GSE1: variants seen among roughly 807,000 people sequenced by gnomAD.
GSE1 encodes Gse1 coiled-coil protein, also known as genetic suppressor element 1.
In GSE1, 32 loss-of-function variants were observed where a neutral mutation model predicts 112.6. The ratio of observed to expected loss-of-function variants is 0.28; its 90% confidence interval spans 0.21 to 0.38. The LOEUF (loss-of-function observed/expected upper bound fraction) is 0.38. Ranked by LOEUF, GSE1 falls within the 10% of genes least tolerant of loss-of-function variation. The pLI, the probability that GSE1 is intolerant of heterozygous loss-of-function variation, is 1.00. For missense variants in GSE1, 2,348 were observed against 1,699.2 expected (o/e 1.38, Z -6.71); for synonymous variants, 1,115 against 735.6 (o/e 1.52, Z -8.35).
intron 1 of GSE1, among the ~76,000 whole-genome samples, chr16:85,344,014 A>G (rs2046679657): frequency 6.6e-6 from 1 of 152,168 alleles, no homozygotes; most frequent in South Asian, 2.1e-4. Flanking sequence ...CCCCAGGAAC[A>G]TGGCTCCTTA....
At chr16:85,390,852 G>T (rs1236593144) in intron 2 of GSE1, among the ~76,000 whole-genome samples, 3 of 152,198 alleles carry the variant, frequency 2.0e-5, no homozygotes, top group African/African-American at 7.2e-5. Flanking sequence ...GACTGCGAAT[G>T]TTATGACATT....
upstream of GSE1, chr16:85,555,002 G>C: frequency 1.0e-6 from 1 of 985,404 alleles, no homozygotes; most frequent in Non-Finnish European, 1.2e-6. Flanking sequence ...TGGATCTGCC[G>C]CCCGGCTCGG....
chr16:85,183,489 C>A (rs1031485491), intron 1 of GSE1, among the ~76,000 whole-genome samples: 1 of 152,166 alleles, frequency 6.6e-6, no homozygotes, highest in African/African-American at 2.4e-5. Context: ...CACCCAGACT[C>A]CTCCCTGCTC....
intron 2 of GSE1, among the ~76,000 whole-genome samples, chr16:85,388,644 G>GTGGA (rs113197005): frequency 0.01 from 1,532 of 149,048 alleles, 24 homozygotes; most frequent in African/African-American, 0.029. Flanking sequence ...AGGTGTGTGG[G>GTGGA]TGGATGGATG....
At chr16:85,553,218 G>C (rs544372238), upstream of GSE1, among the ~76,000 whole-genome samples, 76 of 149,726 alleles carry the variant, frequency 5.1e-4, no homozygotes, top group African/African-American at 1.7e-3. Context: ...GGCTGGAGCG[G>C]AGGCCCGGCG....
chr16:85,224,935 C>T (rs1213562952), intron 1 of GSE1, among the ~76,000 whole-genome samples: 1 of 152,030 alleles, frequency 6.6e-6, no homozygotes, highest in African/African-American at 2.4e-5. Flanking sequence ...TGAGACCAGC[C>T]TGGCCAATAT....
chr16:85,436,836 C>T (rs1215248223), intron 2 of GSE1, among the ~76,000 whole-genome samples: 1 of 152,192 alleles, frequency 6.6e-6, no homozygotes, highest in Admixed American at 6.5e-5. Context: ...GCCCGCAGGC[C>T]AGAGTGTGGG....
In GSE1 at chr16:85,673,169, A is replaced by T. The variant is rs1598741457; in HGVS notation, c.*630A>T. On this transcript the variant is annotated 3_prime_UTR_variant, in exon 16 of 16. Transcript: ENST00000253458. ...TTACCTAAAGATAAAACCAATTCAC[A>T]AACTGAAGGTAGCTTTTTATTACTC... is the stretch of plus-strand genomic sequence containing the variant. 6.6e-6 allele frequency: 1 copy of T among 152,580 alleles called. No homozygotes were observed. Among genetic ancestry groups the T allele is most frequent in the Admixed American group, 6.5e-5 (1 of 15,282 alleles). The allele number at this position is 152,580 out of a possible 1,614,324, so 9.5% of individuals were successfully genotyped here.
At chr16:85,566,738 G>T (rs144953245) in intron 1 of GSE1, among the ~76,000 whole-genome samples, 1 of 152,256 alleles carries the variant, frequency 6.6e-6, no homozygotes, top group Admixed American at 6.5e-5. Flanking sequence ...AGACCTCCTC[G>T]CTGGTCCTAA....
chr16:85,210,311 A>G (rs2075202569), intron 1 of GSE1, among the ~76,000 whole-genome samples: 1 of 152,206 alleles, frequency 6.6e-6, no homozygotes, highest in African/African-American at 2.4e-5. Context: ...ACAAAATCCA[A>G]ATGTCCACAG....
At chr16:85,487,863 A>G (rs2050891762) in intron 2 of GSE1, among the ~76,000 whole-genome samples, 1 of 152,174 alleles carries the variant, frequency 6.6e-6, no homozygotes, top group Admixed American at 6.5e-5. Flanking sequence ...GTGGTCCCTC[A>G]AGGCCGTGGC....
intron 1 of GSE1, among the ~76,000 whole-genome samples, chr16:85,305,075 C>T (rs1224738558): frequency 6.6e-6 from 1 of 152,332 alleles, no homozygotes; most frequent in East Asian, 1.9e-4. Context: ...CCCTAGGGCA[C>T]ATGCCATCCT....
intron 2 of GSE1, among the ~76,000 whole-genome samples, chr16:85,416,559 G>A (rs1283288833): frequency 3.3e-5 from 5 of 152,238 alleles, no homozygotes; most frequent in African/African-American, 1.2e-4. Context: ...GGGAGCCCGG[G>A]TTGAGGGTGG....
chr16:85,578,661 G>A (rs527369624), intron 1 of GSE1, among the ~76,000 whole-genome samples: 2 of 152,286 alleles, frequency 1.3e-5, no homozygotes. Context: ...AGTGTCCCCC[G>A]AATCAGGCAG....
chr16:85,231,438 G>C (rs1298832224), intron 1 of GSE1, among the ~76,000 whole-genome samples: 2 of 151,122 alleles, frequency 1.3e-5, no homozygotes, highest in Non-Finnish European at 3.0e-5. Context: ...ATGGACAGAT[G>C]AATGGATGGA....
At position 85,246,325 on chromosome 16, in the gene GSE1, ACACACACC is replaced by A. The variant is rs1259973564; in HGVS notation, c.2283+74520_2283+74527del. On this transcript the variant is annotated intron_variant, in intron 1 of 2. Coordinates refer to the GSE1 transcript ENST00000637419. ...ACACGCTGTCTACACACACACACAC[ACACACACC>A]CCCCACACGCTGTCTACACACACAC... 3.0e-4 allele frequency among the ~76,000 whole-genome samples: 26 copies of A among 86,216 alleles called. 1 individual carries two copies. In the East Asian group the frequency reaches 6.9e-3, roughly 23 times the overall value. 56.6% of individuals were successfully genotyped at this position (86,216 alleles called of 152,430 possible). A position where few individuals can be genotyped will look rare whatever the true frequency, so the allele number is the denominator to read the frequency against.
At chr16:85,591,928 C>T (rs1485597666) in intron 1 of GSE1, among the ~76,000 whole-genome samples, 1 of 152,170 alleles carries the variant, frequency 6.6e-6, no homozygotes, top group Non-Finnish European at 1.5e-5. Context: ...AAGCCTCCAG[C>T]CACATGTGGC....
intron 1 of GSE1, among the ~76,000 whole-genome samples, chr16:85,333,519 G>T (rs1040160193): frequency 6.6e-6 from 1 of 152,242 alleles, no homozygotes; most frequent in Non-Finnish European, 1.5e-5. Context: ...AGGGCTTGGG[G>T]GGCCTGGGTC....
intron 1 of GSE1, among the ~76,000 whole-genome samples, chr16:85,356,004 G>A (rs1037030597): frequency 6.6e-6 from 1 of 152,168 alleles, no homozygotes; most frequent in Non-Finnish European, 1.5e-5. Flanking sequence ...TCCAGCCTGG[G>A]TGACAGAGTG....
Sources: gnomAD v4.1 joint callset for allele counts (sites outside exome capture counted in the v4.1 genomes callset) on GRCh38, gnomAD v4.1.1 for gene constraint, MANE v1.5 for transcripts, NCBI Gene and HGNC (gene_info 2026-07-23, HGNC 2026-07-21) for gene names.